The following GMDS variants were observed in gnomAD, a reference collection of about 807,000 sequenced individuals.
GMDS encodes GDP-mannose 4,6-dehydratase, also known as GDP-mannose 4,6 dehydratase.
In GMDS, 20 loss-of-function variants were observed where a neutral mutation model predicts 49.9. The ratio of observed to expected loss-of-function variants is 0.40; its 90% CI spans 0.28 to 0.58. The LOEUF (loss-of-function observed/expected upper bound fraction) is 0.58, where lower values mean the gene tolerates loss of function less well. Ranked by LOEUF, GMDS falls within the 20% of genes least tolerant of loss-of-function variation. GMDS has a pLI of 0.42. For synonymous variants in GMDS, 177 were observed against 178.6 expected (o/e 0.99, Z 0.07); for missense variants, 362 against 481.4 (o/e 0.75, Z 2.32).
At chr6:1,880,332 TTTG>T (rs1759305840) in intron 7 of GMDS, among the ~76,000 whole-genome samples, 1 of 149,096 alleles carries the variant, frequency 6.7e-6, no homozygotes, top group Non-Finnish European at 1.5e-5. Context: ...GTGGTGCACG[TTTG>T]TTGCCCCAGC....
intron 1 of GMDS, among the ~76,000 whole-genome samples, chr6:2,237,395 T>C (rs1260355377): frequency 6.6e-6 from 1 of 152,170 alleles, no homozygotes; most frequent in Non-Finnish European, 1.5e-5. Flanking sequence ...TTCCTATGTA[T>C]TAAGCTTATA....
intron 8 of GMDS, among the ~76,000 whole-genome samples, chr6:1,738,476 G>A (rs1270793485): frequency 6.6e-6 from 1 of 152,202 alleles, no homozygotes; most frequent in Non-Finnish European, 1.5e-5. Context: ...TATACAGATG[G>A]CGACACGTGT....
At chr6:2,077,276 T>G (rs978134239) in intron 4 of GMDS, among the ~76,000 whole-genome samples, 1 of 152,164 alleles carries the variant, frequency 6.6e-6, no homozygotes, top group Non-Finnish European at 1.5e-5. Flanking sequence ...ATGCATTTTA[T>G]TTTTTAATCT....
intron 1 of GMDS, among the ~76,000 whole-genome samples, chr6:2,228,284 AC>A (rs930932511): frequency 2.6e-5 from 4 of 151,598 alleles, no homozygotes; most frequent in African/African-American, 9.7e-5. Flanking sequence ...CACCAACACC[AC>A]CCTTCTGTGC....
chr6:2,191,485 G>A lies in GMDS; in HGVS notation c.102+53836C>T, dbSNP rs1779015610. On this transcript the variant is annotated intron_variant, in intron 1 of 10. Coordinates refer to ENST00000380815, the MANE Select transcript of GMDS (RefSeq NM_001500.4). This position sits in a 1 kb window ranked among gnomAD's most constrained non-coding sequence, Gnocchi z 4.6. Reference sequence around the variant, plus strand: ...TCTGCAGCCGCCCAGGTGGGGCTGTGGACCCGGGCCTCTCTGCACTCTTGG... The same window carrying A: ...TCTGCAGCCGCCCAGGTGGGGCTGTAGACCCGGGCCTCTCTGCACTCTTGG... Among the ~76,000 whole-genome samples the A allele has an allele frequency of 6.6e-6, 1 of 152,198 alleles. No homozygotes were observed. The highest frequency in any genetic ancestry group is 2.4e-5 in the African/African-American group (1 of 41,458).
Position 2,191,130 on chromosome 6 carries a change from C to A in GMDS, c.102+54191G>T, listed in dbSNP as rs879438934. ...CTGCACCAAGGGTGCCGTGTTCTTG[C>A]GCCCCCAGAGAGGACTCTGCACAGG... is the stretch of plus-strand genomic sequence containing the variant. On this transcript the variant is annotated intron_variant, in intron 1 of 10. Coordinates refer to ENST00000380815, the MANE Select transcript of GMDS (RefSeq NM_001500.4). The surrounding 1 kb of genome is among the most constrained non-coding windows in gnomAD (Gnocchi z 4.6). 1.3e-5 allele frequency among the ~76,000 whole-genome samples: 2 copies of A among 152,100 alleles called. No individual in the cohort carries two copies. The highest frequency in any genetic ancestry group is 2.9e-5 in the Non-Finnish European group (2 of 67,982).
chr6:2,028,094 T>C (rs1768714809), intron 4 of GMDS, among the ~76,000 whole-genome samples: 1 of 152,244 alleles, frequency 6.6e-6, no homozygotes. Context: ...ATCTTACATA[T>C]TTCAATGAAT....
intron 1 of GMDS, among the ~76,000 whole-genome samples, chr6:2,176,958 G>A (rs534755094): frequency 1.9e-4 from 29 of 152,314 alleles, no homozygotes; most frequent in Non-Finnish European, 4.0e-4. Flanking sequence ...AAGGAAGAGA[G>A]CTCTTTTAGG....
chr6:1,895,336 CTGG>C (rs1380328490), intron 7 of GMDS, among the ~76,000 whole-genome samples: 1 of 152,188 alleles, frequency 6.6e-6, no homozygotes, highest in East Asian at 1.9e-4. Flanking sequence ...TTATCTTCCT[CTGG>C]TCAAAATGAA....
intron 4 of GMDS, among the ~76,000 whole-genome samples, chr6:2,043,993 A>C (rs971484070): frequency 2.6e-5 from 4 of 152,226 alleles, no homozygotes; most frequent in Admixed American, 1.3e-4. Flanking sequence ...CATTAGAGAA[A>C]TGCACATCAA....
intron 7 of GMDS, among the ~76,000 whole-genome samples, chr6:1,829,274 T>C (rs1771252510): frequency 1.3e-5 from 2 of 152,348 alleles, no homozygotes; most frequent in South Asian, 2.1e-4. Context: ...AATGAATATA[T>C]ATGGATATAG....
At chr6:2,236,690 T>G (rs142984399) in intron 1 of GMDS, among the ~76,000 whole-genome samples, 2 of 152,314 alleles carry the variant, frequency 1.3e-5, no homozygotes, top group African/African-American at 4.8e-5. Flanking sequence ...TTGTGAAAAG[T>G]GATAGAAATA....
chr6:1,848,772 T>A (rs1207157328), intron 7 of GMDS, among the ~76,000 whole-genome samples: 1 of 152,178 alleles, frequency 6.6e-6, no homozygotes, highest in Non-Finnish European at 1.5e-5. Flanking sequence ...TGCACATGGC[T>A]GTTGAGGGTC....
intron 1 of GMDS, among the ~76,000 whole-genome samples, chr6:2,161,239 G>C (rs1777384846): frequency 6.6e-6 from 1 of 152,056 alleles, no homozygotes; most frequent in South Asian, 2.1e-4. Context: ...TCGATCTCCT[G>C]ACCTTGTGAT....
intron 7 of GMDS, among the ~76,000 whole-genome samples, chr6:1,913,119 C>G (rs1163987886): frequency 6.6e-6 from 1 of 152,054 alleles, no homozygotes; most frequent in Non-Finnish European, 1.5e-5. Context: ...CGGTGGCTCA[C>G]GCCTGTAATC....
At chr6:1,872,582 GAAACAGCCCAC>G (rs931550923) in intron 7 of GMDS, among the ~76,000 whole-genome samples, 1 of 152,216 alleles carries the variant, frequency 6.6e-6, no homozygotes, top group Admixed American at 6.5e-5. Flanking sequence ...ATATATCACT[GAAACAGCCCAC>G]AAACTGGCTA....
intron 9 of GMDS, among the ~76,000 whole-genome samples, chr6:1,683,416 C>T (rs894143123): frequency 7.9e-5 from 12 of 152,180 alleles, no homozygotes; most frequent in Admixed American, 3.3e-4. Flanking sequence ...AGCCACCGCG[C>T]GCGGCCTGGA....
intron 7 of GMDS, among the ~76,000 whole-genome samples, chr6:1,854,444 T>C (rs1757854236): frequency 6.6e-6 from 1 of 152,206 alleles, no homozygotes; most frequent in South Asian, 2.1e-4. Context: ...CCAGCACTAT[T>C]TAGCTCCTAT....
In GMDS at chr6:2,071,166, G is replaced by A. The variant is rs573924746; in HGVS notation, c.345+44605C>T. Among the ~76,000 whole-genome samples, 3 of 152,288 alleles carry A rather than the reference G, an allele frequency of 2.0e-5. No individual in the cohort carries two copies. The East Asian group carries it at 5.8e-4, about 29-fold the overall frequency. On this transcript the variant is annotated intron_variant, in intron 4 of 10. Coordinates refer to ENST00000380815, the MANE Select transcript of GMDS (RefSeq NM_001500.4). Reference sequence around the variant, plus strand: ...TCCCTACTGAACCCACATCCCAGATGTTAACTGGATCAAAACCAGAATAAT... The same window carrying A: ...TCCCTACTGAACCCACATCCCAGATATTAACTGGATCAAAACCAGAATAAT...
Sources: gnomAD v4.1 joint callset for allele counts (sites outside exome capture counted in the v4.1 genomes callset) on GRCh38, gnomAD v4.1.1 for gene constraint, Gnocchi (gnomAD v3.1) non-coding constraint, MANE v1.5 for transcripts, NCBI Gene and HGNC (gene_info 2026-07-23, HGNC 2026-07-21) for gene names.